Variants in DAPK2 observed in about 807,000 individuals in gnomAD.
The protein encoded by DAPK2 is death associated protein kinase 2.
A neutral mutation model predicts 44.1 loss-of-function variants in DAPK2; 35 were observed. The observed-to-expected ratio is 0.79, with a 90% CI of 0.61 to 1.05. DAPK2 has a LOEUF of 1.05. Among genes scored for constraint, DAPK2 ranks in the 50% least tolerant of loss-of-function variants. The pLI is 0.00. For missense variants in DAPK2, 453 were observed against 483.2 expected, an observed-to-expected ratio of 0.94 and a Z score of 0.59; for synonymous variants, 174 against 182.6, an observed-to-expected ratio of 0.95 and a Z score of 0.38.
chr15:64,046,425 C>T (rs1251351283), upstream of DAPK2: 2 of 288,186 alleles, frequency 6.9e-6, no homozygotes, highest in African/African-American at 4.6e-5. This position sits in a 1 kb window ranked among gnomAD's most constrained non-coding sequence, Gnocchi z 5.3. Context: ...TGGGCTCGGC[C>T]CTGCAGTCCT....
chr15:63,984,559 C>T (rs547625514), intron 1 of DAPK2, among the ~76,000 whole-genome samples: 1 of 152,310 alleles, frequency 6.6e-6, no homozygotes, highest in Admixed American at 6.5e-5. Context: ...TGCTTCTGCA[C>T]CTCAGTTCAG....
chr15:63,991,247 C>A (rs563121070), intron 1 of DAPK2: 52 of 456,232 alleles, frequency 1.1e-4, no homozygotes, highest in Admixed American at 1.1e-3. Flanking sequence ...GTGGGCAGTG[C>A]GCTGGGAACT....
intron 3 of DAPK2, among the ~76,000 whole-genome samples, chr15:63,958,246 G>A (rs1011464463): frequency 6.6e-6 from 1 of 152,054 alleles, no homozygotes; most frequent in African/African-American, 2.4e-5. Flanking sequence ...GTAGATTCTG[G>A]ATATTAGCCC....
intron 1 of DAPK2, among the ~76,000 whole-genome samples, chr15:64,007,486 C>T (rs1219131581): frequency 1.3e-5 from 2 of 152,156 alleles, no homozygotes; most frequent in East Asian, 3.8e-4. Context: ...ACCTCTCCTG[C>T]CTCCTGATCT....
At chr15:64,005,107 C>A (rs1415141890) in intron 1 of DAPK2, among the ~76,000 whole-genome samples, 2 of 152,042 alleles carry the variant, frequency 1.3e-5, no homozygotes, top group African/African-American at 2.4e-5. Context: ...TGGCCTCAGG[C>A]CCCCACTTCA....
intron 3 of DAPK2, among the ~76,000 whole-genome samples, chr15:63,945,328 T>C (rs1050769701): frequency 4.6e-5 from 7 of 152,166 alleles, no homozygotes; most frequent in Admixed American, 1.3e-4. Context: ...TCAAATTGGT[T>C]TTAGGATTCC....
chr15:63,971,521 C>A lies in DAPK2; in HGVS notation c.355G>T (p.Glu119Ter). ...GTGGCCTCCTCCTCACTCAGTGACTCCTTCTGGGCCAGGAAATCGAAGAGC... is the reference window on the plus strand; with the variant it reads ...GTGGCCTCCTCCTCACTCAGTGACTACTTCTGGGCCAGGAAATCGAAGAGC... Residue 119 changes from glutamate (E) to a stop codon, truncating the protein, a stop_gained, in exon 3 of 11, where the codon GAG becomes TAG. Transcript: ENST00000261891. LOFTEE classifies it high-confidence loss of function. 4 of 1,614,206 alleles carry A rather than the reference C, an allele frequency of 2.5e-6. No homozygotes were observed. The highest frequency in any genetic ancestry group is 3.4e-6 in the Non-Finnish European group (4 of 1,180,036).
At chr15:63,969,737 C>G (rs1260437114) in intron 3 of DAPK2, among the ~76,000 whole-genome samples, 1 of 110,848 alleles carries the variant, frequency 9.0e-6, no homozygotes, top group Non-Finnish European at 2.0e-5. Flanking sequence ...GAGACTATCT[C>G]TATTAAAAAA....
At chr15:64,030,643 C>T (rs1452649181) in intron 1 of DAPK2, among the ~76,000 whole-genome samples, 1 of 152,090 alleles carries the variant, frequency 6.6e-6, no homozygotes, top group Non-Finnish European at 1.5e-5. Flanking sequence ...CCTACTCGCC[C>T]TCAACCACCC....
chr15:64,003,808 G>T (rs536971826), intron 1 of DAPK2, among the ~76,000 whole-genome samples: 1 of 152,174 alleles, frequency 6.6e-6, no homozygotes, highest in Admixed American at 6.5e-5. Flanking sequence ...GTTTCACCAC[G>T]TTGGTCAGGC....
rs758631998 is a variant in DAPK2 at position 63,939,382 on chromosome 15, A to G, written c.454-21T>C. The G allele has an allele frequency of 1.3e-6, 2 of 1,563,322 alleles. No individual in the cohort carries two copies. The highest frequency in any genetic ancestry group is 1.7e-6 in the Non-Finnish European group (2 of 1,161,706). ...TCTGGCTGGACAACAAAAAGTAGAA[A>G]AAAAAAAAAGGAAGGAAGAAAAGAA... On this transcript the variant is annotated intron_variant, in intron 3 of 10. Transcript: ENST00000261891. This position sits in a 1 kb window ranked among gnomAD's most constrained non-coding sequence, Gnocchi z 4.3.
rs1249452077 is a variant in DAPK2, at chr15:63,923,440, G to A, written c.858+1376C>T. ...GGCAGAAGGCACACAAGCGGCCTCT[G>A]GCATTCACTGCATGCGTCAGGCCAT... On this transcript the variant is annotated intron_variant, in intron 8 of 10. Transcript: ENST00000261891. The surrounding 1 kb of genome is among the most constrained non-coding windows in gnomAD (Gnocchi z 4.2). The A allele has an allele frequency of 6.8e-7, 1 of 1,470,168 alleles. No homozygotes were observed. Among genetic ancestry groups the A allele is most frequent in the Non-Finnish European group, 9.0e-7 (1 of 1,114,242 alleles). 91.1% of individuals were successfully genotyped at this position (1,470,168 alleles called of 1,614,324 possible).
rs560930374 is a variant in DAPK2 at position 63,998,567 on chromosome 15, G to T, written c.93-14813C>A. Among the ~76,000 whole-genome samples, 3 of 152,310 alleles carry T rather than the reference G, an allele frequency of 2.0e-5. No homozygotes were observed. In the East Asian group the frequency reaches 5.8e-4, roughly 29 times the overall value. ...AGAGAAGGGTCCCCACATATGCCAG[G>T]CTCTCTGGCTCCCTGGGTCTCTGCA... On this transcript the variant is annotated intron_variant, in intron 1 of 10. Coordinates refer to ENST00000261891, the Ensembl canonical transcript of DAPK2.
At chr15:64,027,462 A>G (rs541840220) in intron 1 of DAPK2, among the ~76,000 whole-genome samples, 26 of 152,206 alleles carry the variant, frequency 1.7e-4, no homozygotes, top group African/African-American at 5.8e-4. Context: ...CAAGAGGCTG[A>G]GGTGGGAGGA....
chr15:64,027,777 A>G (rs1037857804), intron 1 of DAPK2, among the ~76,000 whole-genome samples: 1 of 152,360 alleles, frequency 6.6e-6, no homozygotes. Flanking sequence ...CCACAAGGAA[A>G]TAAGTACATG....
chr15:63,963,253 G>T (rs2077963169), intron 3 of DAPK2, among the ~76,000 whole-genome samples: 2 of 152,038 alleles, frequency 1.3e-5, no homozygotes, highest in South Asian at 4.1e-4. Flanking sequence ...ATCTGTCACG[G>T]CTTCCCTTTG....
chr15:63,957,187 A>G (rs1463856464), intron 3 of DAPK2, among the ~76,000 whole-genome samples: 8 of 152,128 alleles, frequency 5.3e-5, no homozygotes, highest in African/African-American at 1.4e-4. Flanking sequence ...TTGTCTCTCT[A>G]AAGTTTTTAT....
In DAPK2 at chr15:63,908,606, G is replaced by A; in HGVS notation, c.1033-6C>T. On this transcript the variant is annotated splice_polypyrimidine_tract_variant and splice_region_variant and intron_variant, in intron 10 of 10. Coordinates refer to ENST00000261891, the Ensembl canonical transcript of DAPK2. This position sits in a 1 kb window ranked among gnomAD's most constrained non-coding sequence, Gnocchi z 5.7. ...GTGTCACTCTCACAGTTCCTCTGGA[G>A]AAAAAAAAGAGAAAGAGGTCCAGGG... 1 of 1,587,112 alleles carries A rather than the reference G, an allele frequency of 6.3e-7. No individual in the cohort carries two copies. The highest frequency in any genetic ancestry group is 8.6e-7 in the Non-Finnish European group (1 of 1,169,200).
At chr15:63,975,648 G>T (rs953377117) in intron 2 of DAPK2, among the ~76,000 whole-genome samples, 5 of 151,746 alleles carry the variant, frequency 3.3e-5, no homozygotes, top group African/African-American at 1.2e-4. Context: ...GCCCAGGCTG[G>T]AGTGCAGTGA....
Sources: allele counts gnomAD v4.1 joint callset (sites outside exome capture counted in the v4.1 genomes callset), GRCh38; gene constraint gnomAD v4.1.1; non-coding constraint Gnocchi (gnomAD v3.1); transcripts MANE v1.5; gene names NCBI Gene and HGNC (gene_info 2026-07-23, HGNC 2026-07-21).